XKR6: variants seen among roughly 807,000 people sequenced by gnomAD.
The protein encoded by XKR6 is XK related 6.
In XKR6, 22 loss-of-function variants were observed where a neutral mutation model predicts 56.7. That is an observed-to-expected ratio of 0.39 (90% CI 0.28 to 0.55). XKR6 has a LOEUF of 0.55. Ranked by LOEUF, XKR6 falls within the 20% of genes least tolerant of loss-of-function variation. XKR6 has a pLI of 0.66. For missense variants in XKR6, 852 were observed against 889.0 expected, an observed-to-expected ratio of 0.96 and a Z score of 0.53; for synonymous variants, 524 against 387.8, an observed-to-expected ratio of 1.35 and a Z score of -4.13.
At chr8:11,148,672 C>G (rs1172592896) in intron 1 of XKR6, among the ~76,000 whole-genome samples, 1 of 151,886 alleles carries the variant, frequency 6.6e-6, no homozygotes, top group Non-Finnish European at 1.5e-5. Context: ...TATTCCACTC[C>G]TAGGTATTTA....
At chr8:10,964,500 G>T (rs1019607314) in intron 1 of XKR6, among the ~76,000 whole-genome samples, 5 of 152,106 alleles carry the variant, frequency 3.3e-5, no homozygotes, top group African/African-American at 1.2e-4. Flanking sequence ...TTCTCCAAGG[G>T]GAGCCCAATT....
intron 1 of XKR6, among the ~76,000 whole-genome samples, chr8:11,034,926 C>T (rs180908836): frequency 6.6e-6 from 1 of 152,344 alleles, no homozygotes; most frequent in East Asian, 1.9e-4. Context: ...TACTAATGTA[C>T]TAGCCAAACC....
intron 1 of XKR6, among the ~76,000 whole-genome samples, chr8:10,981,201 C>T (rs968144818): frequency 1.3e-5 from 2 of 152,162 alleles, no homozygotes; most frequent in African/African-American, 4.8e-5. Flanking sequence ...CAGCTGTGGC[C>T]ACTTTTCCAT....
intron 1 of XKR6, among the ~76,000 whole-genome samples, chr8:11,142,829 T>C (rs1187425203): frequency 6.6e-6 from 1 of 152,174 alleles, no homozygotes; most frequent in African/African-American, 2.4e-5. Context: ...GATGGAACAA[T>C]GTGAGCTTCA....
intron 1 of XKR6, among the ~76,000 whole-genome samples, chr8:11,167,463 C>A (rs979677447): frequency 2.0e-5 from 3 of 152,154 alleles, no homozygotes; most frequent in African/African-American, 7.2e-5. Context: ...CTCATCCAGG[C>A]TGGAAGTGGT....
intron 1 of XKR6, among the ~76,000 whole-genome samples, chr8:11,056,500 A>C (rs1191857298): frequency 6.6e-6 from 1 of 152,132 alleles, no homozygotes; most frequent in Non-Finnish European, 1.5e-5. Context: ...GGCTCTTGGC[A>C]CTTGGTTTGG....
At chr8:10,971,988 C>T (rs570410671) in intron 1 of XKR6, among the ~76,000 whole-genome samples, 7 of 152,346 alleles carry the variant, frequency 4.6e-5, no homozygotes, top group African/African-American at 1.7e-4. Context: ...CTCTTTCCCT[C>T]CACCTCCGAT....
intron 1 of XKR6, among the ~76,000 whole-genome samples, chr8:11,142,423 C>T (rs1469154844): frequency 6.6e-6 from 1 of 152,178 alleles, no homozygotes; most frequent in African/African-American, 2.4e-5. Context: ...GGATGTTTAA[C>T]CCCTCCAAAT....
At chr8:11,092,035 G>A (rs1011519000) in intron 1 of XKR6, among the ~76,000 whole-genome samples, 6 of 152,150 alleles carry the variant, frequency 3.9e-5, no homozygotes, top group Non-Finnish European at 8.8e-5. Flanking sequence ...CACACCCACT[G>A]GGGTCAAAGG....
intron 1 of XKR6, among the ~76,000 whole-genome samples, chr8:11,122,190 G>A (rs186983874): frequency 6.2e-4 from 94 of 152,288 alleles, no homozygotes; most frequent in African/African-American, 1.9e-3. Flanking sequence ...TTGAAAATAC[G>A]GTCTTGCCTT....
At chr8:11,137,483 G>A in intron 1 of XKR6, 1 of 444,558 alleles carries the variant, frequency 2.2e-6, no homozygotes, top group African/African-American at 2.0e-5. Flanking sequence ...TCTTATCTGA[G>A]AATAGAATCT....
chr8:10,990,969 C>A (rs775569617), intron 1 of XKR6, among the ~76,000 whole-genome samples: 1 of 140,606 alleles, frequency 7.1e-6, no homozygotes, highest in Admixed American at 7.5e-5. Flanking sequence ...ATGGCACGAT[C>A]TCAGCTCACT....
chr8:11,117,627 G>T (rs1393142056), intron 1 of XKR6, among the ~76,000 whole-genome samples: 1 of 152,002 alleles, frequency 6.6e-6, no homozygotes, highest in South Asian at 2.1e-4. Flanking sequence ...AAGAAAATAT[G>T]GCTGAAATTT....
intron 1 of XKR6, among the ~76,000 whole-genome samples, chr8:11,054,211 C>T (rs1799624677): frequency 6.6e-6 from 1 of 152,158 alleles, no homozygotes; most frequent in Non-Finnish European, 1.5e-5. Flanking sequence ...TATCCCCCTC[C>T]CTCTTCTGGA....
At chr8:11,000,945 C>T (rs1370766060) in intron 1 of XKR6, among the ~76,000 whole-genome samples, 1 of 152,170 alleles carries the variant, frequency 6.6e-6, no homozygotes, top group African/African-American at 2.4e-5. Context: ...TTCCTTGGCT[C>T]AGCCTTTGCT....
In XKR6 at chr8:11,201,664, T is replaced by C. The variant is rs1369364364; in HGVS notation, c.-325A>G. 6.6e-6 allele frequency among the ~76,000 whole-genome samples: 1 copy of C among 152,200 alleles called. No individual in the cohort carries two copies. Among genetic ancestry groups the C allele is most frequent in the Non-Finnish European group, 1.5e-5 (1 of 68,032 alleles). On this transcript the variant is annotated 5_prime_UTR_variant, in exon 1 of 3. Coordinates refer to ENST00000416569, the MANE Select transcript of XKR6 (RefSeq NM_173683.4). ...CCCCGCCAGGGCTCCCCTTCCCCTC[T>C]TCCGTTGACCCCGAAACCCATCAGG...
intron 1 of XKR6, among the ~76,000 whole-genome samples, chr8:11,068,691 A>G (rs1800042309): frequency 6.6e-6 from 1 of 152,100 alleles, no homozygotes. Flanking sequence ...GCCTTTCACC[A>G]GAGAGAGGCT....
At chr8:11,088,857 T>A (rs952864079) in intron 1 of XKR6, among the ~76,000 whole-genome samples, 1 of 152,216 alleles carries the variant, frequency 6.6e-6, no homozygotes, top group African/African-American at 2.4e-5. Context: ...CAATTCCATG[T>A]TAGAGGTATA....
chr8:11,004,113 T>C lies in XKR6; in HGVS notation c.765-79283A>G, dbSNP rs978755286. 2.0e-5 allele frequency among the ~76,000 whole-genome samples: 3 copies of C among 152,104 alleles called. No individual in the cohort carries two copies. The South Asian group carries it at 6.2e-4, about 32-fold the overall frequency. On this transcript the variant is annotated intron_variant, in intron 1 of 2. Coordinates refer to ENST00000416569, the MANE Select transcript of XKR6 (RefSeq NM_173683.4). ...CCTGAGCTGCAGAGATGGAGCGAAG[T>C]CTGGGAGTTATGAGGAGCCCTGGGA... is the stretch of plus-strand genomic sequence containing the variant.
Sources: gnomAD v4.1 joint callset for allele counts (sites outside exome capture counted in the v4.1 genomes callset) on GRCh38, gnomAD v4.1.1 for gene constraint, MANE v1.5 for transcripts, NCBI Gene and HGNC (gene_info 2026-07-23, HGNC 2026-07-21) for gene names.